Variants in COG6 observed in about 807,000 individuals in gnomAD.
The protein encoded by COG6 is conserved oligomeric Golgi complex subunit 6.
Under a neutral mutation model 88.8 loss-of-function variants are expected in COG6, and 74 were observed. The observed-to-expected ratio is 0.83, with a 90% CI of 0.69 to 1.01. The LOEUF (loss-of-function observed/expected upper bound fraction) is 1.01. Ranked by LOEUF, COG6 falls within the 50% of genes least tolerant of loss-of-function variation. The pLI, the probability that COG6 is intolerant of heterozygous loss-of-function variation, is 0.00. For missense variants in COG6, 800 were observed against 797.9 expected, an observed-to-expected ratio of 1.00 and a Z score of -0.03; for synonymous variants, 286 against 278.7, an observed-to-expected ratio of 1.03 and a Z score of -0.26.
intron 15 of COG6, among the ~76,000 whole-genome samples, chr13:39,720,645 A>T (rs1241498790): frequency 6.6e-6 from 1 of 152,054 alleles, no homozygotes; most frequent in African/African-American, 2.4e-5. Context: ...CCAGTGTACC[A>T]TCCTCTCCAC....
intron 17 of COG6, among the ~76,000 whole-genome samples, chr13:39,725,951 T>C (rs1199133659): frequency 1.3e-5 from 2 of 151,904 alleles, no homozygotes; most frequent in Admixed American, 1.3e-4. Context: ...TTTCTCCTTC[T>C]CTCTTGACAC....
chr13:39,702,914 C>T (rs989864333), intron 13 of COG6, among the ~76,000 whole-genome samples: 1 of 152,076 alleles, frequency 6.6e-6, no homozygotes, highest in African/African-American at 2.4e-5. Context: ...ATACTGGTAA[C>T]ATGAATGGTT....
At chr13:39,708,539 CA>C in intron 13 of COG6, among the ~76,000 whole-genome samples, 1 of 152,232 alleles carries the variant, frequency 6.6e-6, no homozygotes, top group South Asian at 2.1e-4. Flanking sequence ...GCCTTCAATC[CA>C]TCTCAAATTT....
Position 39,655,692 on chromosome 13 carries a change from C to G in COG6, c.-35C>G. ...CGCTGCCTCCGTGGTCCCTGCCTGG[C>G]TGAGGTGGCAGCAGGGGGCGGGACG... On this transcript the variant is annotated 5_prime_UTR_variant, in exon 1 of 19. Transcript: ENST00000455146. 4 of 1,554,960 alleles carry G rather than the reference C, an allele frequency of 2.6e-6. No individual in the cohort carries two copies. The highest frequency in any genetic ancestry group is 3.5e-6 in the Non-Finnish European group (4 of 1,151,448).
intron 8 of COG6, 112 bp from the exon 9 acceptor site, chr13:39,687,391 A>G (rs1235032034): frequency 2.1e-6 from 2 of 935,768 alleles, no homozygotes; most frequent in Admixed American, 1.7e-5. Context: ...GAATATCTAA[A>G]GGAGCTTTAA....
At chr13:39,720,890 A>G (rs959700033) in intron 15 of COG6, among the ~76,000 whole-genome samples, 6 of 152,064 alleles carry the variant, frequency 3.9e-5, no homozygotes, top group Non-Finnish European at 8.8e-5. Flanking sequence ...CCCCTGGATA[A>G]GAATATGGTC....
exon 19 of COG6, chr13:39,790,945 G>A (rs973672886): frequency 2.0e-5 from 3 of 151,760 alleles, no homozygotes; most frequent in Non-Finnish European, 4.4e-5. Context: ...AGTTTTTCAG[G>A]TAAACAATTA....
chr13:39,720,896 T>C (rs1878816048), intron 15 of COG6, among the ~76,000 whole-genome samples: 1 of 152,024 alleles, frequency 6.6e-6, no homozygotes, highest in African/African-American at 2.4e-5. Flanking sequence ...GATAAGAATA[T>C]GGTCATACTT....
intron 18 of COG6, among the ~76,000 whole-genome samples, chr13:39,787,926 C>T (rs777332559): frequency 2.6e-5 from 4 of 152,118 alleles, no homozygotes; most frequent in Non-Finnish European, 4.4e-5. Flanking sequence ...ATCCTGGAAC[C>T]AATCCCCCAT....
chr13:39,676,866 G>A (rs767100702), intron 4 of COG6, among the ~76,000 whole-genome samples: 11 of 151,960 alleles, frequency 7.2e-5, no homozygotes, highest in Non-Finnish European at 1.0e-4. Context: ...GCCTTTTTCC[G>A]TCAGCTAGTT....
At chr13:39,744,733 G>A (rs1022122062) in intron 18 of COG6, among the ~76,000 whole-genome samples, 39 of 150,158 alleles carry the variant, frequency 2.6e-4, no homozygotes, top group Middle Eastern at 3.4e-3. Flanking sequence ...AATGACTTTC[G>A]AATTGGAAAA....
intron 13 of COG6, among the ~76,000 whole-genome samples, chr13:39,713,584 A>G (rs958228130): frequency 6.6e-6 from 1 of 152,028 alleles, no homozygotes; most frequent in Non-Finnish European, 1.5e-5. Flanking sequence ...AAATACAAAA[A>G]AATTAGCCGG....
At chr13:39,704,804 G>A (rs1373963135) in intron 13 of COG6, among the ~76,000 whole-genome samples, 1 of 152,148 alleles carries the variant, frequency 6.6e-6, no homozygotes, top group Admixed American at 6.5e-5. Flanking sequence ...GTTTATAGCA[G>A]TGAATGGGCT....
chr13:39,764,807 T>C (rs1431983980), intron 18 of COG6, among the ~76,000 whole-genome samples: 1 of 152,150 alleles, frequency 6.6e-6, no homozygotes, highest in Non-Finnish European at 1.5e-5. Context: ...TAAATTGTTC[T>C]TTCTAGATTT....
intron 18 of COG6, among the ~76,000 whole-genome samples, chr13:39,731,151 A>G (rs1028269234): frequency 2.1e-4 from 32 of 151,904 alleles, no homozygotes; most frequent in African/African-American, 6.5e-4. Flanking sequence ...CGCTCCTACT[A>G]TCTGTTTTTG....
intron 18 of COG6, among the ~76,000 whole-genome samples, chr13:39,746,150 T>C (rs1385501923): frequency 1.3e-5 from 2 of 151,250 alleles, no homozygotes; most frequent in African/African-American, 4.9e-5. Flanking sequence ...GTAAATGGGG[T>C]GCAGCAAACC....
At chr13:39,682,116 A>T in intron 7 of COG6, 55 bp from the exon 8 acceptor site, 1 of 1,260,898 alleles carries the variant, frequency 7.9e-7, no homozygotes, top group Non-Finnish European at 1.2e-6. Flanking sequence ...TGCAACAGAC[A>T]TAATAAACAT....
intron 18 of COG6, among the ~76,000 whole-genome samples, chr13:39,745,971 A>T (rs551405597): frequency 6.6e-6 from 1 of 152,036 alleles, no homozygotes; most frequent in African/African-American, 2.4e-5. Flanking sequence ...TTCTAAGCAC[A>T]CTGTCCCAAG....
chr13:39,669,780 G>T (rs557969954), intron 4 of COG6, among the ~76,000 whole-genome samples: 8 of 152,256 alleles, frequency 5.3e-5, no homozygotes, highest in African/African-American at 1.9e-4. Flanking sequence ...TAAGCCTGTG[G>T]AAGTGTTTTG....
Sources: gnomAD v4.1 joint callset for allele counts (sites outside exome capture counted in the v4.1 genomes callset) on GRCh38, gnomAD v4.1.1 for gene constraint, MANE v1.5 for transcripts, NCBI Gene and HGNC (gene_info 2026-07-23, HGNC 2026-07-21) for gene names.